RRAS2: variants seen among roughly 807,000 people sequenced by gnomAD.
RRAS2 encodes the protein ras-related protein R-Ras2.
RRAS2 carries 7 observed loss-of-function variants against 27.6 expected under a neutral mutation model. The ratio of observed to expected loss-of-function variants is 0.25; its 90% confidence interval spans 0.14 to 0.48. The LOEUF is 0.48. Among genes scored for constraint, RRAS2 ranks in the 20% least tolerant of loss-of-function variants. The pLI, the probability that RRAS2 is intolerant of heterozygous loss-of-function variation, is 0.99. For synonymous variants in RRAS2, 86 were observed against 90.9 expected (o/e 0.95, Z 0.31); for missense variants, 178 against 256.2 (o/e 0.69, Z 2.08).
chr11:14,324,446 GA>G, intron 1 of RRAS2, among the ~76,000 whole-genome samples: 1 of 146,776 alleles, frequency 6.8e-6, no homozygotes, highest in Non-Finnish European at 1.5e-5. Flanking sequence ...AAAAAAAAAG[GA>G]AAACGTATAT....
chr11:14,354,894 C>T (rs1028140565), intron 1 of RRAS2, among the ~76,000 whole-genome samples: 4 of 151,954 alleles, frequency 2.6e-5, no homozygotes. Context: ...CCAGACTGGT[C>T]TCAAACTCCT....
intron 5 of RRAS2, 61 bp downstream of exon 5, chr11:14,281,541 C>T (rs1554944298): frequency 1.5e-6 from 2 of 1,324,998 alleles, no homozygotes; most frequent in African/African-American, 3.0e-5. Context: ...ATAAAATATC[C>T]TTACTAAAAA....
upstream of RRAS2, among the ~76,000 whole-genome samples, chr11:14,363,754 G>A (rs1462102354): frequency 5.4e-5 from 8 of 147,762 alleles, no homozygotes; most frequent in Non-Finnish European, 1.0e-4. Flanking sequence ...CTGGGCAACA[G>A]AGCAGGACTC....
intron 1 of RRAS2, among the ~76,000 whole-genome samples, chr11:14,346,549 A>G (rs1349384156): frequency 2.6e-5 from 4 of 152,246 alleles, no homozygotes; most frequent in Admixed American, 2.0e-4. Flanking sequence ...ATAATTTTAT[A>G]CCCAGCCAAA....
At chr11:14,341,114 A>C (rs2134022721) in intron 1 of RRAS2, among the ~76,000 whole-genome samples, 1 of 152,292 alleles carries the variant, frequency 6.6e-6, no homozygotes, top group South Asian at 2.1e-4. Flanking sequence ...TACATAAATA[A>C]TCCTATCCCT....
At chr11:14,307,810 G>A (rs1369662203) in intron 1 of RRAS2, among the ~76,000 whole-genome samples, 3 of 151,932 alleles carry the variant, frequency 2.0e-5, no homozygotes, top group Non-Finnish European at 4.4e-5. Flanking sequence ...AAATGGAAAC[G>A]CCCCATTTGT....
intron 4 of RRAS2, 38 bp downstream of exon 4, chr11:14,294,433 T>C (rs1433956629): frequency 4.5e-6 from 6 of 1,341,818 alleles, no homozygotes; most frequent in African/African-American, 4.4e-5. Flanking sequence ...CACATGATTA[T>C]AAACAATTGG....
Position 14,328,155 on chromosome 11 carries a change from G to C in RRAS2, c.108+30608C>G, listed in dbSNP as rs1554951310. Among the ~76,000 whole-genome samples, 4 of 152,156 alleles carry C rather than the reference G, an allele frequency of 2.6e-5. No individual in the cohort carries two copies. The Middle Eastern group carries it at 0.01, about 388-fold the overall frequency. On this transcript the variant is annotated intron_variant, in intron 1 of 5. Coordinates refer to ENST00000256196, the MANE Select transcript of RRAS2 (RefSeq NM_012250.6). ...GGCCGAGGCAGGCGGATCACCTGAG[G>C]TCAGGAGTTCGAGACCAGCCTGACC...
chr11:14,317,273 G>A (rs1848128014), intron 1 of RRAS2, among the ~76,000 whole-genome samples: 1 of 152,210 alleles, frequency 6.6e-6, no homozygotes, highest in South Asian at 2.1e-4. Context: ...TAAAGATGCA[G>A]AATATCTGTA....
chr11:14,364,468 G>GA lies in RRAS2; in HGVS notation c.-202dup, dbSNP rs1302121033. On this transcript the variant is annotated 5_prime_UTR_variant, in exon 1 of 6. Transcript: ENST00000529237. ...TTAATGTGAATGAATGGCTGGCAGA[G>GA]AATGAAACCGCCCAGCAGGAGCTGC... 8 of 1,365,960 alleles carry GA rather than the reference G, an allele frequency of 5.9e-6. No individual in the cohort carries two copies. In the African/African-American group the frequency reaches 1.1e-4, roughly 19 times the overall value. 84.6% of individuals were successfully genotyped at this position (1,365,960 alleles called of 1,614,324 possible).
At chr11:14,286,500 T>C (rs1044252225) in intron 4 of RRAS2, among the ~76,000 whole-genome samples, 1 of 152,200 alleles carries the variant, frequency 6.6e-6, no homozygotes, top group Admixed American at 6.5e-5. Flanking sequence ...AAATATAAGG[T>C]TTTCTACTTT....
chr11:14,307,740 A>G lies in RRAS2; in HGVS notation c.109-11885T>C, dbSNP rs894526430. Reference sequence around the variant, plus strand: ...TGGTACCCCTTAAAATAAGTGATTCATTATTTTTTTAAATTATAAACTGCT... The same window carrying G: ...TGGTACCCCTTAAAATAAGTGATTCGTTATTTTTTTAAATTATAAACTGCT... On this transcript the variant is annotated intron_variant, in intron 1 of 5. Coordinates refer to ENST00000256196, the MANE Select transcript of RRAS2 (RefSeq NM_012250.6). 1.1e-4 allele frequency among the ~76,000 whole-genome samples: 17 copies of G among 152,302 alleles called. No homozygotes were observed. The South Asian group carries it at 3.5e-3, about 32-fold the overall frequency.
intron 1 of RRAS2, among the ~76,000 whole-genome samples, chr11:14,325,373 G>A (rs1269772086): frequency 2.0e-5 from 3 of 148,960 alleles, no homozygotes; most frequent in Admixed American, 6.7e-5. Flanking sequence ...GTGCAGTGGC[G>A]CGATCTTGGC....
intron 4 of RRAS2, among the ~76,000 whole-genome samples, chr11:14,292,720 T>C (rs1847433014): frequency 6.6e-6 from 1 of 152,140 alleles, no homozygotes; most frequent in Non-Finnish European, 1.5e-5. Flanking sequence ...CACTCTAACT[T>C]TATAACCAGA....
intron 1 of RRAS2, among the ~76,000 whole-genome samples, chr11:14,346,600 G>A (rs1848835982): frequency 6.6e-6 from 1 of 152,146 alleles, no homozygotes; most frequent in African/African-American, 2.4e-5. Context: ...TCTTAGATAT[G>A]TTTTCAGTAA....
At chr11:14,319,193 G>A (rs1554949924) in intron 1 of RRAS2, among the ~76,000 whole-genome samples, 1 of 152,110 alleles carries the variant, frequency 6.6e-6, no homozygotes. Flanking sequence ...GGAGTAACAT[G>A]TCCAGATTTT....
At chr11:14,316,297 GTGAGGTATGC>G (rs1437242723) in intron 1 of RRAS2, among the ~76,000 whole-genome samples, 1 of 152,136 alleles carries the variant, frequency 6.6e-6, no homozygotes, top group Non-Finnish European at 1.5e-5. Flanking sequence ...TGCTTTCTTG[GTGAGGTATGC>G]ATCAGTCTGA....
intron 1 of RRAS2, among the ~76,000 whole-genome samples, chr11:14,318,940 C>T (rs1848168422): frequency 6.6e-6 from 1 of 152,174 alleles, no homozygotes; most frequent in Non-Finnish European, 1.5e-5. Context: ...GCACTAAGTG[C>T]TTTACCATAT....
chr11:14,307,473 G>A (rs782370087), intron 1 of RRAS2, among the ~76,000 whole-genome samples: 9 of 151,894 alleles, frequency 5.9e-5, no homozygotes, highest in African/African-American at 1.5e-4. Flanking sequence ...TGCAACCTCC[G>A]TCTCTCCCTG....
Sources: gnomAD v4.1 joint callset for allele counts (sites outside exome capture counted in the v4.1 genomes callset) on GRCh38, gnomAD v4.1.1 for gene constraint, MANE v1.5 for transcripts, NCBI Gene and HGNC (gene_info 2026-07-23, HGNC 2026-07-21) for gene names.